Variants in CCNB3 observed in about 807,000 individuals in gnomAD.
CCNB3 encodes cyclin B3.
In CCNB3, 12 loss-of-function variants were observed where a neutral mutation model predicts 68.0. The ratio of observed to expected loss-of-function variants is 0.18; its 90% CI spans 0.11 to 0.29. The LOEUF (loss-of-function observed/expected upper bound fraction) is 0.29, where lower values mean the gene tolerates loss of function less well. Among genes scored for constraint, CCNB3 ranks in the 10% least tolerant of loss-of-function variants. CCNB3 has a pLI of 1.00. For synonymous variants in CCNB3, 354 were observed against 388.9 expected, an observed-to-expected ratio of 0.91 and a Z score of 1.06; for missense variants, 904 against 993.1, an observed-to-expected ratio of 0.91 and a Z score of 1.21.
intron 3 of CCNB3, among the ~76,000 whole-genome samples, chrX:50,288,522 CT>C (rs1557209646): frequency 5.4e-5 from 6 of 111,312 alleles, no homozygotes; most frequent in Non-Finnish European, 9.4e-5. Flanking sequence ...CTACACTTTG[CT>C]CATTTTGTGA....
intron 8 of CCNB3, among the ~76,000 whole-genome samples, chrX:50,318,718 G>C (rs1193630557): frequency 3.6e-5 from 4 of 111,743 alleles, no homozygotes; most frequent in Non-Finnish European, 7.5e-5. Flanking sequence ...TGCAAGGTTG[G>C]CCCTTGGCTG....
chrX:50,329,490 CTGGGCCCCTT>C (rs1373122632), intron 8 of CCNB3, among the ~76,000 whole-genome samples: 1 of 112,807 alleles, frequency 8.9e-6, no homozygotes, highest in Non-Finnish European at 1.9e-5. Context: ...GCCTAAGTAA[CTGGGCCCCTT>C]TGGGCCCCTT....
Position 50,309,962 on chromosome X carries a change from T to A in CCNB3, c.1793T>A (p.Met598Lys). Residue 598 changes from methionine to lysine, a missense_variant, in exon 6 of 13, where the codon ATG (methionine) becomes AAG (lysine). By Grantham distance (95) the Met-to-Lys change is moderately conservative. Transcript: ENST00000376042. ...LQEKKITQGKMSHLKKPLVLQ... is the reference protein window; with the variant it reads ...LQEKKITQGKKSHLKKPLVLQ... Reference sequence around the variant, plus strand: ...GAAAAGAAAATTACTCAGGGGAAGATGTCCCACTTAAAGAAGCCACTGGTC... The same window carrying A: ...GAAAAGAAAATTACTCAGGGGAAGAAGTCCCACTTAAAGAAGCCACTGGTC... 1 of 1,210,592 alleles carries A rather than the reference T, an allele frequency of 8.3e-7. No individual in the cohort carries two copies. Among genetic ancestry groups the A allele is most frequent in the Non-Finnish European group, 1.1e-6 (1 of 894,617 alleles).
chrX:50,344,263 C>T (rs1923287278), intron 9 of CCNB3, among the ~76,000 whole-genome samples: 1 of 112,004 alleles, frequency 8.9e-6, no homozygotes. Context: ...GATCTTCTCA[C>T]AATGATGAAA....
chrX:50,284,578 C>A lies in CCNB3; in HGVS notation c.-76C>A, dbSNP rs752714416. ...TGGATTACAGTTTCTTCTGATTGAA[C>A]GCAGCCTTTGAATACTGCCTGGCCT... On this transcript the variant is annotated 5_prime_UTR_variant, in exon 2 of 13. Transcript: ENST00000376042. 8.9e-6 allele frequency: 1 copy of A among 112,182 alleles called. No homozygotes were observed. Among genetic ancestry groups the A allele is most frequent in the Non-Finnish European group, 1.9e-5 (1 of 53,571 alleles). The allele number at this position is 112,182 out of a possible 1,213,427, so 9.2% of individuals were successfully genotyped here.
intron 1 of CCNB3, among the ~76,000 whole-genome samples, chrX:50,224,308 C>G (rs1452336037): frequency 9.0e-6 from 1 of 110,756 alleles, no homozygotes; most frequent in Non-Finnish European, 1.9e-5. Context: ...CACTTTAATA[C>G]AGAGGTATAG....
chrX:50,305,422 G>A (rs1306233079), intron 5 of CCNB3, among the ~76,000 whole-genome samples: 5 of 111,013 alleles, frequency 4.5e-5, no homozygotes, highest in South Asian at 3.8e-4. Context: ...ACCAAACACC[G>A]CATGTTCTCA....
chrX:50,350,646 T>C (rs1906233946), intron 11 of CCNB3, among the ~76,000 whole-genome samples: 1 of 110,837 alleles, frequency 9.0e-6, no homozygotes, highest in African/African-American at 3.3e-5. Context: ...TCCCGTTCCT[T>C]AGGACTGGTG....
intron 1 of CCNB3, among the ~76,000 whole-genome samples, chrX:50,218,858 C>T (rs936598893): frequency 8.0e-5 from 9 of 111,972 alleles, no homozygotes; most frequent in Non-Finnish European, 1.1e-4. Flanking sequence ...AATTGCCACA[C>T]TGTCTTCCAC....
chrX:50,226,571 A>C (rs1156273202), intron 1 of CCNB3, among the ~76,000 whole-genome samples: 119 of 79,037 alleles, frequency 1.5e-3, no homozygotes, highest in Non-Finnish European at 2.4e-3. Context: ...ATATAAATAT[A>C]TATAGAATAC....
intron 4 of CCNB3, 56 bp downstream of exon 4, chrX:50,288,943 GTTTCTTGAGGGACC>G: frequency 1.3e-6 from 1 of 781,668 alleles, no homozygotes; most frequent in Non-Finnish European, 1.9e-6. Flanking sequence ...TAGACATGCT[GTTTCTTGAGGGACC>G]TTTCCACTTT....
intron 8 of CCNB3, among the ~76,000 whole-genome samples, chrX:50,332,643 A>G (rs181801280): frequency 2.6e-4 from 29 of 110,770 alleles, no homozygotes; most frequent in African/African-American, 8.5e-4. Flanking sequence ...CCCAGATTTC[A>G]TTGGCTGTGG....
intron 1 of CCNB3, among the ~76,000 whole-genome samples, chrX:50,279,049 AATAT>A (rs1462284076): frequency 1.7e-5 from 1 of 58,745 alleles, no homozygotes; most frequent in Non-Finnish European, 2.8e-5. Context: ...ATAGATATTG[AATAT>A]ATATAGAATA....
rs1921230831 is a variant in CCNB3 at position 50,308,876 on chromosome X, G to A, written c.707G>A (p.Cys236Tyr). Residue 236 changes from cysteine to tyrosine, a missense_variant, in exon 6 of 13, where the codon TGT becomes TAT. Physicochemically the swap from Cys to Tyr is radical, Grantham distance 194 (BLOSUM62 -2). This residue lies in a region of CCNB3 where 619 missense variants were observed against 609.8 expected (regional missense o/e 1.02). Coordinates refer to ENST00000376042, the MANE Select transcript of CCNB3 (RefSeq NM_033031.3). ...ACATTATCCTTAAAGAAGAAGATGTGTGCAAGTCAGCGGAAGCAGTCCTGC... is the reference window on the plus strand; with the variant it reads ...ACATTATCCTTAAAGAAGAAGATGTATGCAAGTCAGCGGAAGCAGTCCTGC... Reference protein sequence around the residue: ...KKTLSLKKKMCASQRKQSCQE... With the variant: ...KKTLSLKKKMYASQRKQSCQE... 1.7e-6 allele frequency: 2 copies of A among 1,211,143 alleles called. No individual in the cohort carries two copies. Among genetic ancestry groups the A allele is most frequent in the East Asian group, 3.0e-5 (1 of 33,811 alleles).
In CCNB3 at chrX:50,311,270, A is replaced by G. The variant is rs782466685; in HGVS notation, c.3101A>G (p.Gln1034Arg). ...TCCTTCAAGGAGCCATTGGCCTTAC[A>G]AGAGAGTCCCACCTGCAAGGAAGAC... Reference protein sequence around the residue: ...ELSFKEPLALQESPTCKEDTF... With the variant: ...ELSFKEPLALRESPTCKEDTF... The change falls in exon 6 of 13, where the codon CAA (glutamine) becomes CGA (arginine). Residue 1034 changes from glutamine to arginine, a missense_variant. This residue lies in a region of CCNB3 where 285 missense variants were observed against 383.4 expected (regional missense o/e 0.74). Transcript: ENST00000376042. The G allele has an allele frequency of 1.7e-6, 2 of 1,211,318 alleles. No individual in the cohort carries two copies. The highest frequency in any genetic ancestry group is 2.2e-6 in the Non-Finnish European group (2 of 895,411).
intron 4 of CCNB3, among the ~76,000 whole-genome samples, chrX:50,292,467 A>G (rs1454644279): frequency 9.0e-6 from 1 of 111,364 alleles, no homozygotes; most frequent in African/African-American, 3.3e-5. Flanking sequence ...TGTGTAGGTT[A>G]TGTTCTTGCT....
At chrX:50,341,295 A>G (rs1332907108) in intron 8 of CCNB3, among the ~76,000 whole-genome samples, 1 of 108,642 alleles carries the variant, frequency 9.2e-6, no homozygotes, top group Admixed American at 9.9e-5. Flanking sequence ...GCACCACTGC[A>G]CTCCAGCCTG....
intron 8 of CCNB3, 130 bp downstream of exon 8, chrX:50,314,078 G>A: frequency 4.5e-6 from 2 of 448,661 alleles, no homozygotes; most frequent in Non-Finnish European, 3.9e-6. Flanking sequence ...CCCTCAAGGA[G>A]CTCATGATTT....
chrX:50,303,182 G>C (rs1280312325), intron 5 of CCNB3, among the ~76,000 whole-genome samples: 1 of 111,347 alleles, frequency 9.0e-6, no homozygotes, highest in East Asian at 2.8e-4. Flanking sequence ...GTCTCACTCT[G>C]TCACCCAGGC....
Sources: gnomAD v4.1 joint callset for allele counts (sites outside exome capture counted in the v4.1 genomes callset) on GRCh38, gnomAD v4.1.1 for gene constraint, gnomAD v4.1.1 regional missense constraint, MANE v1.5 for transcripts, NCBI Gene and HGNC (gene_info 2026-07-23, HGNC 2026-07-21) for gene names.